PEX5L: variants seen among roughly 807,000 people sequenced by gnomAD.
The protein encoded by PEX5L is peroxisomal biogenesis factor 5 like, also known as PEX5-related protein.
PEX5L carries 30 observed loss-of-function variants against 84.0 expected under a neutral mutation model. The ratio of observed to expected loss-of-function variants is 0.36; its 90% CI spans 0.27 to 0.48. The LOEUF (loss-of-function observed/expected upper bound fraction) is 0.48. Among genes scored for constraint, PEX5L ranks in the 20% least tolerant of loss-of-function variants. The pLI is 0.99. For synonymous variants in PEX5L, 270 were observed against 283.1 expected, an observed-to-expected ratio of 0.95 and a Z score of 0.46; for missense variants, 533 against 754.6, an observed-to-expected ratio of 0.71 and a Z score of 3.44.
rs1206430555 is a variant in PEX5L, at chr3:179,950,128, C to T, written c.93+21466G>A. On this transcript the variant is annotated intron_variant, in intron 2 of 14. Transcript: ENST00000467460. Reference sequence around the variant, plus strand: ...CTTGGTCAGTGACAGTGGCTTTACACTGCAGGCTCATTGATGATCAGGTCA... The same window carrying T: ...CTTGGTCAGTGACAGTGGCTTTACATTGCAGGCTCATTGATGATCAGGTCA... Among the ~76,000 whole-genome samples the T allele has an allele frequency of 2.0e-5, 3 of 152,218 alleles. No homozygotes were observed. In the East Asian group the frequency reaches 5.8e-4, roughly 29 times the overall value.
intron 2 of PEX5L, among the ~76,000 whole-genome samples, chr3:179,901,382 T>C (rs1761298974): frequency 6.6e-6 from 1 of 152,212 alleles, no homozygotes; most frequent in Non-Finnish European, 1.5e-5. Context: ...TCATCTATTA[T>C]GTGAGACAAC....
At chr3:179,897,015 A>G (rs1020516069) in intron 3 of PEX5L, among the ~76,000 whole-genome samples, 1 of 152,124 alleles carries the variant, frequency 6.6e-6, no homozygotes, top group African/African-American at 2.4e-5. Context: ...AAGTCTTGGG[A>G]ATCTTTAATA....
At chr3:180,017,926 G>T (rs544647637) in intron 1 of PEX5L, among the ~76,000 whole-genome samples, 1 of 152,292 alleles carries the variant, frequency 6.6e-6, no homozygotes, top group South Asian at 2.1e-4. Flanking sequence ...AGGACTCAGG[G>T]TAGGTGGATA....
At chr3:179,977,736 G>C (rs1785944709) in intron 1 of PEX5L, among the ~76,000 whole-genome samples, 1 of 152,096 alleles carries the variant, frequency 6.6e-6, no homozygotes, top group Non-Finnish European at 1.5e-5. Context: ...ATTTTTCTTA[G>C]GTATGGGGGA....
intron 2 of PEX5L, among the ~76,000 whole-genome samples, chr3:179,937,235 CCAAA>C (rs977596454): frequency 1.3e-5 from 2 of 152,062 alleles, no homozygotes; most frequent in African/African-American, 4.8e-5. Flanking sequence ...CAGATGAAAT[CCAAA>C]CAAAGTGTGG....
At chr3:179,941,328 A>C (rs1438870486) in intron 2 of PEX5L, among the ~76,000 whole-genome samples, 1 of 152,224 alleles carries the variant, frequency 6.6e-6, no homozygotes, top group African/African-American at 2.4e-5. Flanking sequence ...GCCATTAAAC[A>C]AGAACTCTTG....
intron 1 of PEX5L, among the ~76,000 whole-genome samples, chr3:179,993,759 T>A (rs1270269691): frequency 6.6e-6 from 1 of 152,104 alleles, no homozygotes; most frequent in Admixed American, 6.6e-5. Context: ...CGCCTCGACC[T>A]CCCAAAGTGC....
chr3:179,899,185 A>G (rs994826114), intron 2 of PEX5L, among the ~76,000 whole-genome samples: 2 of 152,174 alleles, frequency 1.3e-5, no homozygotes, highest in African/African-American at 4.8e-5. Context: ...GATATGGTAT[A>G]ATGGGAAAGC....
chr3:179,971,637 A>C lies in PEX5L; in HGVS notation c.50T>G (p.Leu17Arg). ...TATTTCGAGGTCTTCATCACTGCTTAGTTTTCCATATCCTTGTTCTTTACT... is the reference window on the plus strand; with the variant it reads ...TATTTCGAGGTCTTCATCACTGCTTCGTTTTCCATATCCTTGTTCTTTACT... ...QKSKEQGYGKLSSDEDLEIIV... is the reference protein window; with the variant it reads ...QKSKEQGYGKRSSDEDLEIIV... Residue 17 changes from leucine to arginine, a missense_variant, in exon 2 of 15, where the codon CTA (leucine) becomes CGA (arginine). By Grantham distance (102) the Leu-to-Arg change is moderately radical (BLOSUM62 -2). Around this residue, in one of 8 missense-constraint regions of PEX5L, gnomAD observed 259 missense variants for 301.7 expected, o/e 0.86. Coordinates refer to ENST00000467460, the MANE Select transcript of PEX5L (RefSeq NM_016559.3). 6.2e-7 allele frequency: 1 copy of C among 1,608,072 alleles called. No individual in the cohort carries two copies. The highest frequency in any genetic ancestry group is 8.5e-7 in the Non-Finnish European group (1 of 1,177,422).
intron 4 of PEX5L, among the ~76,000 whole-genome samples, chr3:179,885,950 G>A (rs1011178375): frequency 7.2e-5 from 11 of 152,148 alleles, no homozygotes; most frequent in Non-Finnish European, 1.3e-4. Flanking sequence ...CTAATACAGA[G>A]GGCAACATTG....
intron 5 of PEX5L, 61 bp from the exon 6 acceptor site, chr3:179,875,538 T>TGGGGG: frequency 6.8e-6 from 5 of 732,414 alleles, no homozygotes; most frequent in Non-Finnish European, 8.7e-6. Context: ...GGGGGAGCGG[T>TGGGGG]GGCGGGGAGT....
At chr3:179,834,662 T>C (rs1173715484) in intron 8 of PEX5L, among the ~76,000 whole-genome samples, 2 of 152,158 alleles carry the variant, frequency 1.3e-5, no homozygotes, top group African/African-American at 4.8e-5. Context: ...TGTGAATATG[T>C]AAGAGTCATA....
intron 2 of PEX5L, among the ~76,000 whole-genome samples, chr3:179,916,314 C>T (rs1767066304): frequency 6.6e-6 from 1 of 152,136 alleles, no homozygotes; most frequent in Non-Finnish European, 1.5e-5. Context: ...ACTCCAAACT[C>T]ATATAGCACG....
chr3:179,893,684 A>C (rs556058612), intron 3 of PEX5L, among the ~76,000 whole-genome samples: 1 of 152,240 alleles, frequency 6.6e-6, no homozygotes, highest in South Asian at 2.1e-4. Flanking sequence ...TTTTAAAGTA[A>C]AATATTCTGT....
At chr3:180,031,839 G>C (rs997679601) in intron 1 of PEX5L, among the ~76,000 whole-genome samples, 16 of 152,144 alleles carry the variant, frequency 1.1e-4, no homozygotes, top group Non-Finnish European at 2.2e-4. Flanking sequence ...AAATTGTAGA[G>C]TTAACAAGTT....
At chr3:179,909,611 T>C (rs1449945843) in intron 2 of PEX5L, among the ~76,000 whole-genome samples, 1 of 152,108 alleles carries the variant, frequency 6.6e-6, no homozygotes, top group Non-Finnish European at 1.5e-5. Context: ...AGGAGCTGAG[T>C]TGTGTACTCC....
At chr3:179,945,534 A>G (rs1777275383) in intron 2 of PEX5L, among the ~76,000 whole-genome samples, 1 of 152,234 alleles carries the variant, frequency 6.6e-6, no homozygotes, top group South Asian at 2.1e-4. Flanking sequence ...AAGACTTGTT[A>G]GCATGATGCC....
chr3:179,941,149 G>A (rs746302212), intron 2 of PEX5L, among the ~76,000 whole-genome samples: 2 of 152,194 alleles, frequency 1.3e-5, no homozygotes, highest in South Asian at 4.1e-4. Flanking sequence ...TTTATTGTGC[G>A]CCAAGCTCTA....
chr3:179,845,661 A>G (rs1739041548), intron 8 of PEX5L, among the ~76,000 whole-genome samples: 1 of 152,218 alleles, frequency 6.6e-6, no homozygotes, highest in African/African-American at 2.4e-5. Context: ...AGCTCCAAGG[A>G]AAAGTGCAAA....
Sources: gnomAD v4.1 joint callset for allele counts (sites outside exome capture counted in the v4.1 genomes callset) on GRCh38, gnomAD v4.1.1 for gene constraint, gnomAD v4.1.1 regional missense constraint, MANE v1.5 for transcripts, NCBI Gene and HGNC (gene_info 2026-07-23, HGNC 2026-07-21) for gene names.